Variants in MBNL1 observed in about 807,000 individuals in gnomAD.
MBNL1 encodes the protein muscleblind like splicing regulator 1.
A neutral mutation model predicts 42.2 loss-of-function variants in MBNL1; 8 were observed. The ratio of observed to expected loss-of-function variants is 0.19; its 90% CI spans 0.11 to 0.34. MBNL1 has a LOEUF of 0.34. MBNL1 is among the 10% of genes least tolerant of loss of function. MBNL1 has a pLI of 1.00. For missense variants in MBNL1, 309 were observed against 495.3 expected (o/e 0.62, Z 3.57); for synonymous variants, 169 against 173.9 (o/e 0.97, Z 0.22).
At position 152,299,737 on chromosome 3, in the gene MBNL1, G is replaced by T; in HGVS notation, c.-457G>T. 1 of 399,710 alleles carries T rather than the reference G, an allele frequency of 2.5e-6. No individual in the cohort carries two copies. Among genetic ancestry groups the T allele is most frequent in the Non-Finnish European group, 4.4e-6 (1 of 226,914 alleles). The allele number at this position is 399,710 out of a possible 1,614,324, so 24.8% of individuals were successfully genotyped here. A position where few individuals can be genotyped will look rare whatever the true frequency, so the allele number is the denominator to read the frequency against. ...TATGCCAAACTAATCAATACCGATTGCACCACCAAACTCCATTGCAAATTC... is the reference window on the plus strand; with the variant it reads ...TATGCCAAACTAATCAATACCGATTTCACCACCAAACTCCATTGCAAATTC... On this transcript the variant is annotated 5_prime_UTR_variant, in exon 2 of 10. Coordinates refer to ENST00000324210, the MANE Select transcript of MBNL1 (RefSeq NM_021038.5).
chr3:152,385,488 A>G (rs2097372381), intron 2 of MBNL1, among the ~76,000 whole-genome samples: 1 of 152,044 alleles, frequency 6.6e-6, no homozygotes, highest in African/African-American at 2.4e-5. Flanking sequence ...AAATCATGCT[A>G]TTTCTGGATA....
At chr3:152,340,995 C>T in intron 2 of MBNL1, 3 of 1,433,780 alleles carry the variant, frequency 2.1e-6, no homozygotes, top group African/African-American at 1.4e-5. Context: ...GATGAGGGGA[C>T]ACAAACTGTA....
chr3:152,252,217 T>TTCCTTCCTTCCC, intron 2 of MBNL1, among the ~76,000 whole-genome samples: 1 of 145,630 alleles, frequency 6.9e-6, no homozygotes, highest in Non-Finnish European at 1.5e-5. Flanking sequence ...CCTTCCCTCC[T>TTCCTTCCTTCCC]TCCTTCCTTC....
intron 5 of MBNL1, among the ~76,000 whole-genome samples, chr3:152,446,371 T>C (rs1331974160): frequency 6.6e-6 from 1 of 152,102 alleles, no homozygotes; most frequent in East Asian, 1.9e-4. Context: ...CTTTTCTGTG[T>C]TTATGGATAC....
intron 1 of MBNL1, among the ~76,000 whole-genome samples, chr3:152,274,287 A>G (rs768977957): frequency 1.6e-4 from 25 of 152,202 alleles, no homozygotes; most frequent in Non-Finnish European, 3.2e-4. Flanking sequence ...TCTATCATAT[A>G]AAGTTGATTT....
Position 152,432,822 on chromosome 3 carries a change from C to A in MBNL1, c.451C>A (p.Pro151Thr), listed in dbSNP as rs1378396751. 5.0e-6 allele frequency: 8 copies of A among 1,614,092 alleles called. No individual in the cohort carries two copies. In the South Asian group the frequency reaches 7.7e-5, roughly 16 times the overall value. ...SPSLVPAEILPTAPMLVTGNP... is the reference protein window; with the variant it reads ...SPSLVPAEILTTAPMLVTGNP... ...AAGCCTGGTCCCGGCAGAGATCTTGCCGACTGCACCAATGTTGGTTACAGG... is the reference window on the plus strand; with the variant it reads ...AAGCCTGGTCCCGGCAGAGATCTTGACGACTGCACCAATGTTGGTTACAGG... Residue 151 changes from proline to threonine, a missense_variant, in exon 4 of 10, where the codon CCG (proline) becomes ACG (threonine). Physicochemically the swap from Pro to Thr is conservative, Grantham distance 38 (BLOSUM62 -1). Transcript: ENST00000324210.
chr3:152,356,297 A>G (rs1240737814), intron 2 of MBNL1, among the ~76,000 whole-genome samples: 1 of 152,016 alleles, frequency 6.6e-6, no homozygotes, highest in African/African-American at 2.4e-5. Flanking sequence ...ACTAGAATTA[A>G]TACTTTTCAC....
chr3:152,442,576 G>T (rs999920161), intron 4 of MBNL1, among the ~76,000 whole-genome samples: 2 of 152,090 alleles, frequency 1.3e-5, no homozygotes, highest in Non-Finnish European at 2.9e-5. Context: ...TTTGTGAAAT[G>T]TTGTCAGTTA....
intron 2 of MBNL1, chr3:152,262,952 A>G (rs2036552231): frequency 6.6e-6 from 1 of 152,266 alleles, no homozygotes; most frequent in Non-Finnish European, 1.5e-5. Context: ...ACAACAGTCC[A>G]TAGTAGAAGG....
intron 2 of MBNL1, among the ~76,000 whole-genome samples, chr3:152,354,407 G>A (rs1288787929): frequency 6.6e-6 from 1 of 152,130 alleles, no homozygotes; most frequent in Non-Finnish European, 1.5e-5. Flanking sequence ...GTGAGGCGTG[G>A]TGGTGCCATG....
chr3:152,417,370 A>G (rs1260539533), intron 3 of MBNL1, among the ~76,000 whole-genome samples: 1 of 152,218 alleles, frequency 6.6e-6, no homozygotes, highest in Non-Finnish European at 1.5e-5. Flanking sequence ...GAGAATGGCC[A>G]CTACTTACAG....
chr3:152,323,773 T>C (rs980761824), intron 2 of MBNL1, among the ~76,000 whole-genome samples: 6 of 152,152 alleles, frequency 3.9e-5, no homozygotes, highest in African/African-American at 1.4e-4. Context: ...CACTGGGTGG[T>C]AGGAATTTTT....
chr3:152,329,195 G>A (rs1258252956), intron 2 of MBNL1, among the ~76,000 whole-genome samples: 3 of 151,796 alleles, frequency 2.0e-5, no homozygotes, highest in South Asian at 2.1e-4. Context: ...CTTTGAAAAA[G>A]GAATAATACT....
rs145044468 is a variant in MBNL1 at position 152,309,693 on chromosome 3, G to A, written c.174+9326G>A. ...CATAATCAGTGTTTAGGATCTGCTT[G>A]TGATGGATAAATTACATCTGTAATT... On this transcript the variant is annotated intron_variant, in intron 2 of 9. Transcript: ENST00000324210. 1.6e-3 allele frequency among the ~76,000 whole-genome samples: 248 copies of A among 152,300 alleles called. 1 individual carries two copies. Among genetic ancestry groups the A allele is most frequent in the Non-Finnish European group, 2.4e-3 (163 of 68,014 alleles).
intron 1 of MBNL1, among the ~76,000 whole-genome samples, chr3:152,281,039 G>A (rs888909105): frequency 5.3e-5 from 8 of 152,038 alleles, no homozygotes; most frequent in African/African-American, 1.7e-4. Flanking sequence ...AATAATAAAA[G>A]CAAAACAACA....
At chr3:152,269,484 G>A (rs1176925733) in intron 1 of MBNL1, 1 of 454,530 alleles carries the variant, frequency 2.2e-6, no homozygotes, top group East Asian at 7.0e-5. Context: ...AGCGGCGCGC[G>A]GGTCTTCCCG....
chr3:152,447,191 G>A (rs1000998156), intron 5 of MBNL1, among the ~76,000 whole-genome samples: 2 of 131,388 alleles, frequency 1.5e-5, no homozygotes, highest in African/African-American at 5.0e-5. Flanking sequence ...GGGGGGAGGA[G>A]CAGAGTGGGT....
At chr3:152,273,932 A>T (rs558906858) in intron 1 of MBNL1, among the ~76,000 whole-genome samples, 51 of 152,316 alleles carry the variant, frequency 3.3e-4, no homozygotes, top group African/African-American at 1.2e-3. Context: ...TTTCCCCAAG[A>T]CAATGCCAAT....
intron 8 of MBNL1, among the ~76,000 whole-genome samples, chr3:152,457,037 T>A (rs1198528054): frequency 6.6e-6 from 1 of 152,178 alleles, no homozygotes; most frequent in Non-Finnish European, 1.5e-5. Flanking sequence ...CATTCTGTAT[T>A]CCATGCAAAT....
Sources: gnomAD v4.1 joint callset for allele counts (sites outside exome capture counted in the v4.1 genomes callset) on GRCh38, gnomAD v4.1.1 for gene constraint, MANE v1.5 for transcripts, NCBI Gene and HGNC (gene_info 2026-07-23, HGNC 2026-07-21) for gene names.